The following MYH3 variants were observed in gnomAD, a reference collection of about 807,000 sequenced individuals.
MYH3 encodes myosin heavy chain 3.
A neutral mutation model predicts 238.0 loss-of-function variants in MYH3; 130 were observed. The ratio of observed to expected loss-of-function variants is 0.55; its 90% CI spans 0.47 to 0.63. The LOEUF (loss-of-function observed/expected upper bound fraction) is 0.63, where lower values mean the gene tolerates loss of function less well. Ranked by LOEUF, MYH3 falls within the 30% of genes least tolerant of loss-of-function variation. The pLI, the probability that MYH3 is intolerant of heterozygous loss-of-function variation, is 0.00. For missense variants in MYH3, 1,853 were observed against 2,374.9 expected (o/e 0.78, Z 4.57); for synonymous variants, 880 against 924.1 (o/e 0.95, Z 0.86).
chr17:10,632,873 T>C, intron 33 of MYH3, 89 bp from the exon 34 acceptor site: 1 of 1,325,810 alleles, frequency 7.5e-7, no homozygotes, highest in South Asian at 1.2e-5. Flanking sequence ...TTCAATGGAA[T>C]AGTCCTAAAT....
the MYH3 span, among the ~76,000 whole-genome samples, chr17:10,670,913 G>A: frequency 6.6e-6 from 1 of 151,810 alleles, no homozygotes; most frequent in African/African-American, 2.4e-5. The surrounding 1 kb of genome is among the most constrained non-coding windows in gnomAD (Gnocchi z 7.0). Context: ...TTTTTGAGAT[G>A]GAGTCTTCCT....
At chr17:10,662,007 GCTTTCTTTCTTT>G, upstream of MYH3, among the ~76,000 whole-genome samples, 1 of 151,480 alleles carries the variant, frequency 6.6e-6, no homozygotes, top group Admixed American at 6.6e-5. Flanking sequence ...ACCTTCCCCA[GCTTTCTTTCTTT>G]CTTTCTTTCT....
At chr17:10,649,829 A>G (rs952281531) in intron 6 of MYH3, 144 bp from the exon 7 acceptor site, 20 of 777,842 alleles carry the variant, frequency 2.6e-5, no homozygotes, top group African/African-American at 2.6e-4. Context: ...CCACTTGAGA[A>G]GGCAGACGCC....
chr17:10,670,690 C>CCA, the MYH3 span, among the ~76,000 whole-genome samples: 12 of 149,606 alleles, frequency 8.0e-5, no homozygotes, highest in African/African-American at 2.4e-4. The surrounding 1 kb of genome is among the most constrained non-coding windows in gnomAD (Gnocchi z 7.0). Flanking sequence ...CACAAACACA[C>CCA]CACTATTATT....
chr17:10,641,351 A>T lies in MYH3; in HGVS notation c.1981T>A (p.Ser661Thr). The part of the protein sequence containing the change: ...LFRENLNKLM[S>T]NLRTTHPHFV... Reference sequence around the variant, plus strand: ...TGAGGGTGAGTAGTTCTTAAATTTGACATCAGCTTGTTCAGGTTTTCCTAA... The same window carrying T: ...TGAGGGTGAGTAGTTCTTAAATTTGTCATCAGCTTGTTCAGGTTTTCCTAA... The change falls in exon 18 of 41, where the codon TCA becomes ACA. Residue 661 changes from serine (S) to threonine (T), a missense_variant. By Grantham distance (58) the Ser-to-Thr change is moderately conservative (BLOSUM62 1). Around this residue, in one of 3 missense-constraint regions of MYH3, gnomAD observed 678 missense variants for 1,058.9 expected, o/e 0.64. Coordinates refer to ENST00000583535, the MANE Select transcript of MYH3 (RefSeq NM_002470.4). 1.2e-6 allele frequency: 2 copies of T among 1,610,418 alleles called. No homozygotes were observed. The highest frequency in any genetic ancestry group is 1.7e-6 in the Non-Finnish European group (2 of 1,178,196).
Position 10,646,818 on chromosome 17 carries a change from C to T in MYH3, c.898+364G>A, listed in dbSNP as rs190786669. Among the ~76,000 whole-genome samples, 167 of 152,238 alleles carry T rather than the reference C, an allele frequency of 1.1e-3. 4 individuals carry two copies. The highest frequency in any genetic ancestry group is 3.4e-3 in the African/African-American group (142 of 41,534). On this transcript the variant is annotated intron_variant, in intron 10 of 40. Coordinates refer to ENST00000583535, the MANE Select transcript of MYH3 (RefSeq NM_002470.4). ...ATCCCAGCACTGTGGGAGGCCGAGT[C>T]GGGCAAATTGCTTGAGCCCAGGAGT...
At chr17:10,676,959 G>C in the MYH3 span, 1 of 152,172 alleles carries the variant, frequency 6.6e-6, no homozygotes, top group African/African-American at 2.4e-5. Flanking sequence ...TTAATGAATA[G>C]AAATAACCGT....
In MYH3 at chr17:10,637,771, GA is replaced by G. The variant is rs770121476; in HGVS notation, c.3856+37del. On this transcript the variant is annotated intron_variant, in intron 28 of 40. Transcript: ENST00000583535. ...GCCAGCTACGCCCATTGGGTGCCAG[GA>G]GGTTTTGGCCCCACGGGTTTTCTGC... 3 of 1,613,312 alleles carry G rather than the reference GA, an allele frequency of 1.9e-6. No homozygotes were observed. The East Asian group carries it at 6.7e-5, about 36-fold the overall frequency.
chr17:10,671,619 G>A, the MYH3 span, among the ~76,000 whole-genome samples: 958 of 120,450 alleles, frequency 8.0e-3, 9 homozygotes, highest in African/African-American at 0.027. Flanking sequence ...AGCTCTTGTC[G>A]CCCAGGCTGG....
intron 3 of MYH3, 51 bp from the exon 4 acceptor site, chr17:10,652,614 T>C (rs1385345501): frequency 5.9e-6 from 4 of 675,732 alleles, no homozygotes; most frequent in Non-Finnish European, 6.1e-6. Context: ...CACGTCTTTT[T>C]TTTTTTTTTT....
At chr17:10,661,317 A>T (rs924397536), upstream of MYH3, among the ~76,000 whole-genome samples, 4 of 150,078 alleles carry the variant, frequency 2.7e-5, no homozygotes, top group Non-Finnish European at 5.9e-5. Flanking sequence ...AAAAAAAAAA[A>T]ATTCCATCCA....
chr17:10,630,152 G>A lies in MYH3; in HGVS notation c.5502C>T (p.Asn1834=), dbSNP rs1567550697. The A allele has an allele frequency of 1.9e-6, 3 of 1,614,198 alleles. No homozygotes were observed. Among genetic ancestry groups the A allele is most frequent in the Admixed American group, 1.7e-5 (1 of 60,022 alleles). Residue 1834 remains asparagine (N), a synonymous_variant, in exon 38 of 41, where the codon AAC becomes AAT. Transcript: ENST00000583535. Reference sequence around the variant, plus strand: ...TCCTCAGGCCCTTAACAGACTCTGTGTTCTTCTTCTGCTCTCCCTCAAGTT... The same window carrying A: ...TCCTCAGGCCCTTAACAGACTCTGTATTCTTCTTCTGCTCTCCCTCAAGTT... The part of the protein sequence containing the change: ...EFELEGEQKK[N]TESVKGLRKY...
At chr17:10,635,109 T>C in intron 30 of MYH3, 86 bp from the exon 31 acceptor site, 1 of 1,467,588 alleles carries the variant, frequency 6.8e-7, no homozygotes, top group Non-Finnish European at 9.5e-7. Context: ...ATCACTAATC[T>C]ATGTGATTCA....
At chr17:10,632,126 G>A in intron 34 of MYH3, 110 bp from the exon 35 acceptor site, 1 of 1,355,354 alleles carries the variant, frequency 7.4e-7, no homozygotes, top group Non-Finnish European at 1.0e-6. Flanking sequence ...GTTTTGTTTT[G>A]TTTTGTTTGT....
chr17:10,671,028 C>T, the MYH3 span, among the ~76,000 whole-genome samples: 2 of 152,048 alleles, frequency 1.3e-5, no homozygotes, highest in Non-Finnish European at 2.9e-5. Flanking sequence ...GTAGCTGGGA[C>T]TACAGGCACG....
rs750838090 is a variant in MYH3 at position 10,639,805 on chromosome 17, TA to T, written c.2683-4del. On this transcript the variant is annotated splice_region_variant and splice_polypyrimidine_tract_variant and intron_variant, in intron 22 of 40. Coordinates refer to ENST00000583535, the MANE Select transcript of MYH3 (RefSeq NM_002470.4). Reference sequence around the variant, plus strand: ...GCATCCAACAAATTTTCGCTTTCCTTAAAAAAAAAAGAATAATAACTTCGTT... The same window carrying T: ...GCATCCAACAAATTTTCGCTTTCCTTAAAAAAAAAGAATAATAACTTCGTT... 761 of 1,378,222 alleles carry T rather than the reference TA, an allele frequency of 5.5e-4. No homozygotes were observed. Among genetic ancestry groups the T allele is most frequent in the South Asian group, 8.1e-4 (64 of 78,884 alleles). The allele number at this position is 1,378,222 out of a possible 1,614,324, so 85.4% of individuals were successfully genotyped here. A position where few individuals can be genotyped will look rare whatever the true frequency, so the allele number is the denominator to read the frequency against.
chr17:10,631,673 C>T lies in MYH3; in HGVS notation c.5224G>A (p.Val1742Ile), dbSNP rs1349916066. The T allele has an allele frequency of 1.2e-6, 2 of 1,614,188 alleles. No homozygotes were observed. Among genetic ancestry groups the T allele is most frequent in the African/African-American group, 2.7e-5 (2 of 75,052 alleles). Reference sequence around the variant, plus strand: ...CTTGCATCCCTGCTGGCATCTTCTACCTCACTCTGGAGCTGCATGAGGTCT... The same window carrying T: ...CTTGCATCCCTGCTGGCATCTTCTATCTCACTCTGGAGCTGCATGAGGTCT... ...ETDLMQLQSEVEDASRDARNA... is the reference protein window; with the variant it reads ...ETDLMQLQSEIEDASRDARNA... Residue 1742 changes from valine to isoleucine, a missense_variant, in exon 36 of 41, where the codon GTA becomes ATA. Physicochemically the swap from Val to Ile is conservative, Grantham distance 29 (BLOSUM62 3). Coordinates refer to ENST00000583535, the MANE Select transcript of MYH3 (RefSeq NM_002470.4).
chr17:10,671,220 G>A, the MYH3 span, among the ~76,000 whole-genome samples: 2 of 152,126 alleles, frequency 1.3e-5, no homozygotes, highest in Admixed American at 6.5e-5. Context: ...ATGCCCTAGA[G>A]TTGGGCATCT....
In MYH3 at chr17:10,638,386, G is replaced by A; in HGVS notation, c.3386C>T (p.Thr1129Ile). ...LEEEIEAERA[T>I]RAKTEKQRSD... is the part of the protein sequence containing the mutation. Reference sequence around the variant, plus strand: ...GCGCTGTTTCTCTGTCTTCGCGCGGGTGGCCCTCTCCGCCTCTATCTCCTC... The same window carrying A: ...GCGCTGTTTCTCTGTCTTCGCGCGGATGGCCCTCTCCGCCTCTATCTCCTC... Residue 1129 changes from threonine to isoleucine, a missense_variant, in exon 27 of 41, where the codon ACC (threonine) becomes ATC (isoleucine). Coordinates refer to ENST00000583535, the MANE Select transcript of MYH3 (RefSeq NM_002470.4). 1 of 1,602,840 alleles carries A rather than the reference G, an allele frequency of 6.2e-7. No individual in the cohort carries two copies. Among genetic ancestry groups the A allele is most frequent in the Admixed American group, 1.7e-5 (1 of 59,956 alleles).
Sources: gnomAD v4.1 joint callset for allele counts (sites outside exome capture counted in the v4.1 genomes callset) on GRCh38, gnomAD v4.1.1 for gene constraint, gnomAD v4.1.1 regional missense constraint, Gnocchi (gnomAD v3.1) non-coding constraint, MANE v1.5 for transcripts, NCBI Gene and HGNC (gene_info 2026-07-23, HGNC 2026-07-21) for gene names.